ALLC: variants seen among roughly 807,000 people sequenced by gnomAD.
ALLC encodes allantoicase, also known as probable inactive allantoicase.
ALLC carries 40 observed loss-of-function variants against 45.0 expected under a neutral mutation model. That is an observed-to-expected ratio of 0.89 (90% CI 0.69 to 1.16). ALLC has a LOEUF of 1.16. ALLC is among the 50% of genes most tolerant of loss of function. ALLC has a pLI of 0.00. For missense variants in ALLC, 488 were observed against 493.1 expected (o/e 0.99, Z 0.10); for synonymous variants, 176 against 178.1 (o/e 0.99, Z 0.09).
At chr2:3,675,782 T>G (rs1482403376) in intron 3 of ALLC, among the ~76,000 whole-genome samples, 1 of 152,194 alleles carries the variant, frequency 6.6e-6, no homozygotes, top group Non-Finnish European at 1.5e-5. Flanking sequence ...CCATTCACAC[T>G]GTTGTAGGAT....
upstream of ALLC, among the ~76,000 whole-genome samples, chr2:3,653,905 A>G (rs991494864): frequency 6.6e-6 from 1 of 152,116 alleles, no homozygotes; most frequent in Admixed American, 6.5e-5. The surrounding 1 kb of genome is among the most constrained non-coding windows in gnomAD (Gnocchi z 4.1). Flanking sequence ...GGGGTTTATC[A>G]TCTATGGCTG....
intron 1 of ALLC, among the ~76,000 whole-genome samples, chr2:3,666,783 TG>T (rs938742636): frequency 1.3e-5 from 2 of 152,190 alleles, no homozygotes; most frequent in African/African-American, 2.4e-5. Context: ...CATTGCATGG[TG>T]GGGGCGACGG....
chr2:3,702,029 T>C (rs910719886), intron 11 of ALLC, among the ~76,000 whole-genome samples: 2 of 152,156 alleles, frequency 1.3e-5, no homozygotes, highest in African/African-American at 4.8e-5. Context: ...GCTGCTCCCA[T>C]GTAAAGATAG....
intron 7 of ALLC, among the ~76,000 whole-genome samples, chr2:3,684,158 G>T (rs1161945325): frequency 6.6e-6 from 1 of 152,110 alleles, no homozygotes; most frequent in Non-Finnish European, 1.5e-5. Flanking sequence ...ACTGTTTGAA[G>T]AATTACTAGG....
chr2:3,696,249 C>G lies in ALLC; in HGVS notation c.668-26C>G. 5 of 1,592,430 alleles carry G rather than the reference C, an allele frequency of 3.1e-6. No homozygotes were observed. The South Asian group carries it at 4.5e-5, about 14-fold the overall frequency. Reference sequence around the variant, plus strand: ...CTCATAGTTAAAATCATGCAGTTTACCATTCAACAATGTTATTTTCTGTAG... The same window carrying G: ...CTCATAGTTAAAATCATGCAGTTTAGCATTCAACAATGTTATTTTCTGTAG... On this transcript the variant is annotated intron_variant, in intron 8 of 11. Transcript: ENST00000252505.
chr2:3,698,813 C>T (rs1225755210), intron 10 of ALLC, among the ~76,000 whole-genome samples: 4 of 151,710 alleles, frequency 2.6e-5, no homozygotes, highest in Non-Finnish European at 4.4e-5. Flanking sequence ...GTACAACGTG[C>T]GGGTTTGTTA....
the ALLC span, among the ~76,000 whole-genome samples, chr2:3,652,243 A>G: frequency 7.2e-5 from 11 of 152,148 alleles, no homozygotes; most frequent in Non-Finnish European, 1.0e-4. Flanking sequence ...CGCTGTTGCT[A>G]TGGAAGCGGC....
upstream of ALLC, among the ~76,000 whole-genome samples, chr2:3,657,626 C>G (rs1666472853): frequency 6.6e-6 from 1 of 152,156 alleles, no homozygotes; most frequent in South Asian, 2.1e-4. Context: ...TCAGCTGTTT[C>G]TTTCTGCATG....
intron 10 of ALLC, among the ~76,000 whole-genome samples, chr2:3,700,684 T>C (rs1397013113): frequency 6.6e-6 from 1 of 152,192 alleles, no homozygotes. Flanking sequence ...CACATACATA[T>C]GTATGTATAT....
At chr2:3,660,539 A>G (rs896924636) in intron 1 of ALLC, among the ~76,000 whole-genome samples, 7 of 150,426 alleles carry the variant, frequency 4.7e-5, no homozygotes, top group African/African-American at 9.8e-5. Context: ...TTGAATATCA[A>G]TTTTTTTTTT....
In ALLC at chr2:3,702,536, C is replaced by A. The variant is rs749539627; in HGVS notation, c.1149C>A (p.Phe383Leu). 5 of 1,599,508 alleles carry A rather than the reference C, an allele frequency of 3.1e-6. No individual in the cohort carries two copies. The African/African-American group carries it at 6.8e-5, about 22-fold the overall frequency. ...LRPREKPMLKFSVSFKANP is the reference protein window; with the variant it reads ...LRPREKPMLKLSVSFKANP ...CCCGGGAGAAGCCCATGTTGAAGTT[C>A]TCGGTGAGCTTCAAAGCAAACCCTT... is the stretch of plus-strand genomic sequence containing the variant. Residue 383 changes from phenylalanine to leucine, a missense_variant, in exon 12 of 12, where the codon TTC (phenylalanine) becomes TTA (leucine). By Grantham distance (22) the Phe-to-Leu change is conservative (BLOSUM62 0). Transcript: ENST00000252505.
At chr2:3,694,534 A>T (rs1385918570) in intron 7 of ALLC, 2 of 152,220 alleles carry the variant, frequency 1.3e-5, no homozygotes, top group East Asian at 1.9e-4. Flanking sequence ...CTTATTTTTT[A>T]AAATGTGAAA....
intron 1 of ALLC, among the ~76,000 whole-genome samples, chr2:3,667,287 T>C (rs976390465): frequency 6.6e-6 from 1 of 152,118 alleles, no homozygotes; most frequent in Non-Finnish European, 1.5e-5. Context: ...ACCTCGTCTG[T>C]CCCCTCCACT....
At chr2:3,666,758 C>A (rs1191784356) in intron 1 of ALLC, among the ~76,000 whole-genome samples, 1 of 152,164 alleles carries the variant, frequency 6.6e-6, no homozygotes, top group African/African-American at 2.4e-5. Flanking sequence ...CGGTTTAGCA[C>A]CGTTTCAAAT....
the ALLC span, among the ~76,000 whole-genome samples, chr2:3,651,302 GGGTGGGTGGGT>G: frequency 0.02 from 101 of 5,020 alleles, 21 homozygotes; most frequent in South Asian, 0.047. Flanking sequence ...CTTTTTGGGT[GGGTGGGTGGGT>G]GGGGGGGGTG....
chr2:3,677,771 C>A (rs2148004338), intron 3 of ALLC, among the ~76,000 whole-genome samples: 1 of 152,330 alleles, frequency 6.6e-6, no homozygotes, highest in African/African-American at 2.4e-5. Context: ...GGGAGATTCC[C>A]TAAGCAGTAA....
At chr2:3,688,010 G>T in intron 7 of ALLC, 1 of 152,892 alleles carries the variant, frequency 6.5e-6, no homozygotes, top group South Asian at 1.8e-4. Flanking sequence ...AGGCCATGTG[G>T]ACCATGAGGC....
At chr2:3,655,771 A>G (rs184257151), upstream of ALLC, among the ~76,000 whole-genome samples, 1 of 152,308 alleles carries the variant, frequency 6.6e-6, no homozygotes, top group East Asian at 1.9e-4. Context: ...TAGAATGACA[A>G]GTTTTAAGTA....
chr2:3,670,234 A>C (rs1666829273), intron 1 of ALLC, among the ~76,000 whole-genome samples: 1 of 152,176 alleles, frequency 6.6e-6, no homozygotes, highest in Non-Finnish European at 1.5e-5. Context: ...TATTCCTGTA[A>C]TTTCAAGGAA....
Sources: allele counts gnomAD v4.1 joint callset (sites outside exome capture counted in the v4.1 genomes callset), GRCh38; gene constraint gnomAD v4.1.1; non-coding constraint Gnocchi (gnomAD v3.1); transcripts MANE v1.5; gene names NCBI Gene and HGNC (gene_info 2026-07-23, HGNC 2026-07-21).